Variants in ODF2L observed in about 807,000 individuals in gnomAD.
ODF2L encodes the protein outer dense fiber of sperm tails 2 like.
A neutral mutation model predicts 86.3 loss-of-function variants in ODF2L; 76 were observed. The observed-to-expected ratio is 0.88, with a 90% CI of 0.73 to 1.07. ODF2L has a LOEUF of 1.07. Ranked by LOEUF, ODF2L falls within the 50% of genes least tolerant of loss-of-function variation. The pLI is 0.00. For synonymous variants in ODF2L, 241 were observed against 231.3 expected, an observed-to-expected ratio of 1.04 and a Z score of -0.38; for missense variants, 748 against 717.4, an observed-to-expected ratio of 1.04 and a Z score of -0.49.
At chr1:86,372,230 T>C (rs1659842773) in intron 9 of ODF2L, among the ~76,000 whole-genome samples, 2 of 151,978 alleles carry the variant, frequency 1.3e-5, no homozygotes, top group South Asian at 4.1e-4. Flanking sequence ...CAATTCACTT[T>C]TAATGAGCAA....
intron 1 of ODF2L, among the ~76,000 whole-genome samples, chr1:86,392,224 C>T (rs1410154923): frequency 6.6e-6 from 1 of 152,178 alleles, no homozygotes; most frequent in Non-Finnish European, 1.5e-5. Flanking sequence ...AACACTTCTA[C>T]ACTGTTGGTG....
intron 13 of ODF2L, chr1:86,357,735 A>C: frequency 4.1e-6 from 4 of 978,872 alleles, no homozygotes; most frequent in Non-Finnish European, 4.9e-6. Flanking sequence ...GTGAAGTAAG[A>C]AAAAGAAAAA....
At chr1:86,378,611 G>A (rs892807105) in intron 7 of ODF2L, among the ~76,000 whole-genome samples, 4 of 152,136 alleles carry the variant, frequency 2.6e-5, no homozygotes, top group East Asian at 1.9e-4. Context: ...AACTTCAATC[G>A]TGGCAGAAGG....
Position 86,376,420 on chromosome 1 carries a change from T to TAAAA in ODF2L, c.625-6_625-3dup. Reference sequence around the variant, plus strand: ...CTTGGCTATCTTGGTTTCTAAGCTCTAAAAAAAAAATTAGCAACAATTAAA... The same window carrying TAAAA: ...CTTGGCTATCTTGGTTTCTAAGCTCTAAAAAAAAAAAAAATTAGCAACAATTAAA... On this transcript the variant is annotated splice_region_variant and splice_polypyrimidine_tract_variant and intron_variant, in intron 7 of 17. Transcript: ENST00000317336. 1 of 1,416,428 alleles carries TAAAA rather than the reference T, an allele frequency of 7.1e-7. No individual in the cohort carries two copies. The highest frequency in any genetic ancestry group is 9.5e-7 in the Non-Finnish European group (1 of 1,051,696). 87.7% of individuals were successfully genotyped at this position (1,416,428 alleles called of 1,614,324 possible).
At position 86,376,438 on chromosome 1, in the gene ODF2L, CAATTA is replaced by C. The variant is rs778059514; in HGVS notation, c.625-25_625-21del. 3.2e-5 allele frequency: 47 copies of C among 1,483,196 alleles called. No individual in the cohort carries two copies. The East Asian group carries it at 7.3e-4, about 23-fold the overall frequency. The allele number at this position is 1,483,196 out of a possible 1,614,324, so 91.9% of individuals were successfully genotyped here. On this transcript the variant is annotated intron_variant, in intron 7 of 17. Coordinates refer to ENST00000317336, the Ensembl canonical transcript of ODF2L. The stretch of plus-strand genomic sequence containing the variant: ...TAAGCTCTAAAAAAAAAATTAGCAA[CAATTA>C]AATTATTTCAGAACTCCAATGTTTA...
downstream of ODF2L, chr1:86,347,522 T>A (rs903540525): frequency 1.3e-5 from 2 of 152,176 alleles, no homozygotes; most frequent in African/African-American, 4.8e-5. Context: ...GTTCTGACAC[T>A]CTGTATTTTG....
At chr1:86,375,845 T>A (rs1340058790) in intron 8 of ODF2L, among the ~76,000 whole-genome samples, 3 of 152,194 alleles carry the variant, frequency 2.0e-5, no homozygotes, top group East Asian at 3.9e-4. Context: ...CTTAGTTCAA[T>A]ACCCTTCATT....
chr1:86,394,018 C>T lies in ODF2L; in HGVS notation c.-60+2015G>A, dbSNP rs564681097. Among the ~76,000 whole-genome samples, 12 of 152,328 alleles carry T rather than the reference C, an allele frequency of 7.9e-5. No individual in the cohort carries two copies. In the East Asian group the frequency reaches 1.3e-3, roughly 17 times the overall value. ...AAGTCACCATCCTGTACCAGACAAA[C>T]ATAAAGCATATTCCTTTCCTTCAAC... On this transcript the variant is annotated intron_variant, in intron 1 of 17. Coordinates refer to ENST00000317336, the Ensembl canonical transcript of ODF2L.
At chr1:86,347,594 T>C (rs1445628881), downstream of ODF2L, 1 of 152,174 alleles carries the variant, frequency 6.6e-6, no homozygotes, top group Non-Finnish European at 1.5e-5. Flanking sequence ...CTGTGAATGA[T>C]ATGACAGTCT....
exon 11 of ODF2L, chr1:86,368,704 T>C: frequency 6.9e-7 from 1 of 1,451,390 alleles, no homozygotes. Flanking sequence ...GACTCAGTAA[T>C]TCTACATGGG....
At chr1:86,359,519 CTTTTTTT>C (rs5775904) in intron 12 of ODF2L, among the ~76,000 whole-genome samples, 2 of 95,120 alleles carry the variant, frequency 2.1e-5, no homozygotes, top group Non-Finnish European at 4.2e-5. Context: ...TTAGTTCATT[CTTTTTTT>C]TTTTTTTTTT....
intron 1 of ODF2L, among the ~76,000 whole-genome samples, chr1:86,387,821 A>G (rs1033272353): frequency 1.3e-5 from 2 of 152,114 alleles, no homozygotes; most frequent in Non-Finnish European, 2.9e-5. Flanking sequence ...CCCTGACTTC[A>G]TTTTATGTTT....
At chr1:86,385,711 T>G (rs188627205) in intron 2 of ODF2L, 121 bp from the exon 3 acceptor site, 2 of 640,304 alleles carry the variant, frequency 3.1e-6, no homozygotes, top group East Asian at 5.8e-5. Context: ...AGTTCAAAAG[T>G]AGCTCGAAAC....
chr1:86,384,381 T>C (rs911237102), intron 4 of ODF2L, among the ~76,000 whole-genome samples: 2 of 150,486 alleles, frequency 1.3e-5, no homozygotes, highest in Non-Finnish European at 3.0e-5. Flanking sequence ...TATATAGATA[T>C]GTATAAATAT....
chr1:86,354,994 C>T (rs916051942), intron 14 of ODF2L, 135 bp from the exon 14 acceptor site: 13 of 568,854 alleles, frequency 2.3e-5, no homozygotes, highest in African/African-American at 5.7e-5. Context: ...AGAAAGACAC[C>T]AAGAAAATGT....
At chr1:86,376,338 A>G in exon 8 of ODF2L, 1 of 1,612,246 alleles carries the variant, frequency 6.2e-7, no homozygotes, top group African/African-American at 1.3e-5. Flanking sequence ...TTTTTTGCCT[A>G]CTTGCTTCTT....
intron 7 of ODF2L, among the ~76,000 whole-genome samples, chr1:86,378,611 G>T (rs892807105): frequency 6.6e-6 from 1 of 152,136 alleles, no homozygotes; most frequent in Non-Finnish European, 1.5e-5. Flanking sequence ...AACTTCAATC[G>T]TGGCAGAAGG....
chr1:86,358,152 T>C (rs1157968580), intron 13 of ODF2L: 9 of 913,784 alleles, frequency 9.8e-6, no homozygotes, highest in Non-Finnish European at 1.2e-5. Context: ...TAGATTCAGA[T>C]GGAAGCGACC....
Position 86,385,598 on chromosome 1 carries a change from C to G in ODF2L, c.114-8G>C. 6.2e-7 allele frequency: 1 copy of G among 1,606,842 alleles called. No homozygotes were observed. Among genetic ancestry groups the G allele is most frequent in the Non-Finnish European group, 8.5e-7 (1 of 1,174,774 alleles). ...AGAATGTCCTGCTTCAGGCTAATTACAAATGCACATACAAAATTTAAGTTA... is the reference window on the plus strand; with the variant it reads ...AGAATGTCCTGCTTCAGGCTAATTAGAAATGCACATACAAAATTTAAGTTA... On this transcript the variant is annotated splice_polypyrimidine_tract_variant and splice_region_variant and intron_variant, in intron 2 of 17. Transcript: ENST00000317336.
Sources: allele counts gnomAD v4.1 joint callset (sites outside exome capture counted in the v4.1 genomes callset), GRCh38; gene constraint gnomAD v4.1.1; transcripts MANE v1.5; gene names NCBI Gene and HGNC (gene_info 2026-07-23, HGNC 2026-07-21).